Variants in PLCB1 observed in about 807,000 individuals in gnomAD.
The protein encoded by PLCB1 is phospholipase C beta 1.
In PLCB1, 46 loss-of-function variants were observed where a neutral mutation model predicts 161.8. The ratio of observed to expected loss-of-function variants is 0.28; its 90% confidence interval spans 0.22 to 0.36. The LOEUF (loss-of-function observed/expected upper bound fraction) is 0.36, where lower values mean the gene tolerates loss of function less well. Among genes scored for constraint, PLCB1 ranks in the 10% least tolerant of loss-of-function variants. The pLI, the probability that PLCB1 is intolerant of heterozygous loss-of-function variation, is 1.00. For missense variants in PLCB1, 1,016 were observed against 1,472.5 expected (o/e 0.69, Z 5.07); for synonymous variants, 517 against 503.7 (o/e 1.03, Z -0.35).
chr20:8,405,073 C>A (rs1978724961), intron 3 of PLCB1, among the ~76,000 whole-genome samples: 1 of 152,130 alleles, frequency 6.6e-6, no homozygotes, highest in African/African-American at 2.4e-5. Context: ...TTCTCAAGCT[C>A]TAACAAACCT....
intron 2 of PLCB1, among the ~76,000 whole-genome samples, chr20:8,231,997 T>C (rs1253944111): frequency 6.6e-6 from 1 of 152,136 alleles, no homozygotes; most frequent in Non-Finnish European, 1.5e-5. Flanking sequence ...TCTATCATCT[T>C]TTCAGCCAGC....
intron 2 of PLCB1, among the ~76,000 whole-genome samples, chr20:8,292,756 C>A (rs761761921): frequency 2.0e-4 from 30 of 152,176 alleles, no homozygotes; most frequent in Non-Finnish European, 3.7e-4. Context: ...TGACATTAAT[C>A]AAGTTACTCA....
chr20:8,474,548 G>A (rs1255973802), intron 3 of PLCB1, among the ~76,000 whole-genome samples: 1 of 152,102 alleles, frequency 6.6e-6, no homozygotes, highest in Non-Finnish European at 1.5e-5. Flanking sequence ...TGGAGGAGAG[G>A]CAGAAGGAGC....
At chr20:8,755,813 G>GTT (rs1981706940) in intron 23 of PLCB1, among the ~76,000 whole-genome samples, 1 of 152,194 alleles carries the variant, frequency 6.6e-6, no homozygotes, top group Non-Finnish European at 1.5e-5. Flanking sequence ...GAAGACAAAG[G>GTT]TTTGTAAAGG....
chr20:8,214,303 G>T (rs956546252), intron 2 of PLCB1, among the ~76,000 whole-genome samples: 1 of 152,110 alleles, frequency 6.6e-6, no homozygotes, highest in African/African-American at 2.4e-5. Flanking sequence ...GATTTCTCAT[G>T]AATGGTTTAG....
chr20:8,617,657 G>A (rs1403832575), intron 3 of PLCB1, among the ~76,000 whole-genome samples: 1 of 152,054 alleles, frequency 6.6e-6, no homozygotes, highest in Non-Finnish European at 1.5e-5. Flanking sequence ...ACCACAAGAG[G>A]CAACCAATTC....
At position 8,727,247 on chromosome 20, in the gene PLCB1, T is replaced by C; in HGVS notation, c.1679-62T>C. ...ACCCATTTCTTTTATAATGTTATAA[T>C]TTATAACAATGAATTGTATTTCTCA... On this transcript the variant is annotated intron_variant, in intron 16 of 31. Transcript: ENST00000338037. 11 of 772,768 alleles carry C rather than the reference T, an allele frequency of 1.4e-5. 1 individual carries two copies. The South Asian group carries it at 1.8e-4, about 13-fold the overall frequency. The allele number at this position is 772,768 out of a possible 1,614,324, so 47.9% of individuals were successfully genotyped here. A position where few individuals can be genotyped will look rare whatever the true frequency, so the allele number is the denominator to read the frequency against.
chr20:8,678,174 A>T (rs531111920), intron 9 of PLCB1, among the ~76,000 whole-genome samples: 5 of 152,192 alleles, frequency 3.3e-5, no homozygotes, highest in South Asian at 2.1e-4. Context: ...GGAAAATTTT[A>T]AAAAATTGTG....
chr20:8,850,848 G>A (rs890406198), intron 31 of PLCB1, among the ~76,000 whole-genome samples: 2 of 152,178 alleles, frequency 1.3e-5, no homozygotes, highest in African/African-American at 4.8e-5. Flanking sequence ...AAGATATTAT[G>A]TTATAGCAGC....
chr20:8,387,976 T>TAA (rs1568657457), intron 3 of PLCB1, among the ~76,000 whole-genome samples: 1,476 of 128,670 alleles, frequency 0.011, 26 homozygotes, highest in African/African-American at 0.049. Context: ...ACCACTTTTT[T>TAA]TAAAAAAAAA....
At chr20:8,846,156 G>A (rs1168707018) in intron 31 of PLCB1, among the ~76,000 whole-genome samples, 2 of 152,134 alleles carry the variant, frequency 1.3e-5, no homozygotes, top group African/African-American at 4.8e-5. Flanking sequence ...GAAGGTGAAG[G>A]GGAAGCAGGC....
chr20:8,351,973 G>A (rs1056728085), intron 2 of PLCB1, among the ~76,000 whole-genome samples: 1 of 151,988 alleles, frequency 6.6e-6, no homozygotes, highest in East Asian at 1.9e-4. Flanking sequence ...ACATGATCTA[G>A]CAATTGTGCT....
At chr20:8,416,209 A>T (rs922891107) in intron 3 of PLCB1, among the ~76,000 whole-genome samples, 2 of 152,214 alleles carry the variant, frequency 1.3e-5, no homozygotes, top group Non-Finnish European at 2.9e-5. Flanking sequence ...AAACAAAATA[A>T]TGAGAAAACT....
intron 31 of PLCB1, among the ~76,000 whole-genome samples, chr20:8,872,886 C>A (rs1318725862): frequency 6.6e-6 from 1 of 152,154 alleles, no homozygotes; most frequent in Non-Finnish European, 1.5e-5. Context: ...TCCAATCTCT[C>A]CTCGCCCCGC....
intron 2 of PLCB1, among the ~76,000 whole-genome samples, chr20:8,228,138 G>A (rs556602875): frequency 2.0e-5 from 3 of 151,998 alleles, no homozygotes; most frequent in Admixed American, 6.6e-5. Flanking sequence ...CAGCCCTGGC[G>A]ACAGAAGTGA....
chr20:8,408,258 G>C (rs1235160430), intron 3 of PLCB1, among the ~76,000 whole-genome samples: 4 of 151,926 alleles, frequency 2.6e-5, no homozygotes, highest in African/African-American at 9.7e-5. Context: ...ATCTAAAATA[G>C]TTGCTGTAGT....
chr20:8,269,624 A>G (rs568645547), intron 2 of PLCB1, among the ~76,000 whole-genome samples: 1 of 152,128 alleles, frequency 6.6e-6, no homozygotes, highest in African/African-American at 2.4e-5. Flanking sequence ...TTTTTTGAAA[A>G]CTGATTTTGT....
At chr20:8,849,961 C>T (rs894580435) in intron 31 of PLCB1, among the ~76,000 whole-genome samples, 2 of 151,992 alleles carry the variant, frequency 1.3e-5, no homozygotes, top group South Asian at 2.1e-4. Flanking sequence ...TGCAGTGAGC[C>T]GAGATCACGC....
Position 8,717,808 on chromosome 20 carries a change from T to A in PLCB1, c.1473T>A (p.Ser491Arg), listed in dbSNP as rs2123468950. Residue 491 changes from serine (S) to arginine (R), a missense_variant, in exon 14 of 32, where the codon AGT becomes AGA. This residue lies in a region of PLCB1 where 109 missense variants were observed against 129.7 expected (regional missense o/e 0.84). Coordinates refer to ENST00000338037, the MANE Select transcript of PLCB1 (RefSeq NM_015192.4). ...CAGAACAAGCCTCCAACACCTACAG[T>A]GACTCCTCCAGCATGTTCGAGCCCT... ...KLSEQASNTY[S>R]DSSSMFEPSS... 6.2e-7 allele frequency: 1 copy of A among 1,613,742 alleles called. No individual in the cohort carries two copies. Among genetic ancestry groups the A allele is most frequent in the South Asian group, 1.1e-5 (1 of 91,018 alleles).
Sources: allele counts gnomAD v4.1 joint callset (sites outside exome capture counted in the v4.1 genomes callset), GRCh38; gene constraint gnomAD v4.1.1; regional missense constraint gnomAD v4.1.1; transcripts MANE v1.5; gene names NCBI Gene and HGNC (gene_info 2026-07-23, HGNC 2026-07-21).